Variants in PCBD2 observed in about 807,000 individuals in gnomAD.
PCBD2 encodes pterin-4-alpha-carbinolamine dehydratase 2.
Under a neutral mutation model 16.4 loss-of-function variants are expected in PCBD2, and 12 were observed. That is an observed-to-expected ratio of 0.73 (90% confidence interval 0.47 to 1.19). The LOEUF (loss-of-function observed/expected upper bound fraction) is 1.19. PCBD2 is among the 50% of genes most tolerant of loss of function. PCBD2 has a pLI of 0.00. For synonymous variants in PCBD2, 58 were observed against 61.8 expected, an observed-to-expected ratio of 0.94 and a Z score of 0.29; for missense variants, 138 against 156.8, an observed-to-expected ratio of 0.88 and a Z score of 0.64.
At chr5:134,942,953 A>G (rs925935177) in intron 2 of PCBD2, among the ~76,000 whole-genome samples, 1 of 152,234 alleles carries the variant, frequency 6.6e-6, no homozygotes, top group African/African-American at 2.4e-5. Context: ...ATACATAAAT[A>G]AAGTAACTAT....
chr5:134,949,566 T>C (rs755990568), intron 2 of PCBD2, among the ~76,000 whole-genome samples: 1 of 152,224 alleles, frequency 6.6e-6, no homozygotes, highest in Non-Finnish European at 1.5e-5. Context: ...AAAATATGTC[T>C]GACAGTCCAG....
chr5:134,933,001 A>AT (rs981836485), intron 2 of PCBD2, among the ~76,000 whole-genome samples: 2 of 151,890 alleles, frequency 1.3e-5, no homozygotes, highest in South Asian at 2.1e-4. Context: ...TGGTAAATAA[A>AT]TTTTTTTTTA....
At chr5:134,906,471 TG>T (rs145440048) in intron 1 of PCBD2, among the ~76,000 whole-genome samples, 4,113 of 152,218 alleles carry the variant, frequency 0.027, 66 homozygotes, top group Non-Finnish European at 0.045. Context: ...CCCAAAGTGC[TG>T]TAATAGAAGA....
At position 134,960,806 on chromosome 5, in the gene PCBD2, G is replaced by A. The variant is rs989718831; in HGVS notation, c.*125G>A. 25 of 780,710 alleles carry A rather than the reference G, an allele frequency of 3.2e-5. No individual in the cohort carries two copies. The highest frequency in any genetic ancestry group is 1.2e-4 in the Admixed American group (5 of 41,454). The allele number at this position is 780,710 out of a possible 1,614,324, so 48.4% of individuals were successfully genotyped here. On this transcript the variant is annotated 3_prime_UTR_variant, in exon 4 of 4. Coordinates refer to ENST00000254908, the MANE Select transcript of PCBD2 (RefSeq NM_032151.5). ...TTTTAAGACAGAGTGTTGCTCTGTCGCCCAGGCCAGAGTGCAGTGGTATGA... is the reference window on the plus strand; with the variant it reads ...TTTTAAGACAGAGTGTTGCTCTGTCACCCAGGCCAGAGTGCAGTGGTATGA...
Position 134,960,612 on chromosome 5 carries a change from CTG to C in PCBD2, c.327_328del (p.Cys109TrpfsTer2). 6.2e-7 allele frequency: 1 copy of C among 1,612,468 alleles called. No individual in the cohort carries two copies. The highest frequency in any genetic ancestry group is 1.3e-5 in the African/African-American group (1 of 75,000). On this transcript the variant is annotated frameshift_variant, in exon 4 of 4. Coordinates refer to ENST00000254908, the MANE Select transcript of PCBD2 (RefSeq NM_032151.5). LOFTEE classifies it high-confidence loss of function. The part of the protein sequence containing the change: ...KVQITLTSHD[C>X]GELTKKDVKL... ...TCCAGATAACTCTCACCTCACATGACTGTGGTGAACTGACCAAAAAAGATGTG... is the reference window on the plus strand; with the variant it reads ...TCCAGATAACTCTCACCTCACATGACTGGTGAACTGACCAAAAAAGATGTG...
intron 2 of PCBD2, chr5:134,923,937 C>G (rs1475894526): frequency 5.1e-6 from 2 of 394,134 alleles, no homozygotes; most frequent in African/African-American, 2.1e-5. Flanking sequence ...TAGGCAGGCA[C>G]CAAGAAGTGA....
At chr5:134,938,325 T>C (rs1751185533) in intron 2 of PCBD2, among the ~76,000 whole-genome samples, 1 of 152,234 alleles carries the variant, frequency 6.6e-6, no homozygotes, top group Admixed American at 6.5e-5. Flanking sequence ...CATGCCTCTT[T>C]GCCTCCCTTT....
rs1750960340 is a variant in PCBD2 at position 134,924,579 on chromosome 5, G to A, written c.216+14113G>A. 7.5e-6 allele frequency: 3 copies of A among 398,738 alleles called. No individual in the cohort carries two copies. In the East Asian group the frequency reaches 1.1e-4, roughly 14 times the overall value. The allele number at this position is 398,738 out of a possible 1,614,324, so 24.7% of individuals were successfully genotyped here. A position where few individuals can be genotyped will look rare whatever the true frequency, so the allele number is the denominator to read the frequency against. On this transcript the variant is annotated intron_variant, in intron 2 of 3. Coordinates refer to ENST00000254908, the MANE Select transcript of PCBD2 (RefSeq NM_032151.5). ...TTTGTATGATTATGGGCGTTGATTAGTAGTAGTTACTGGTTGAACATTGTT... is the reference window on the plus strand; with the variant it reads ...TTTGTATGATTATGGGCGTTGATTAATAGTAGTTACTGGTTGAACATTGTT...
At chr5:134,928,191 G>C (rs1045477173) in intron 2 of PCBD2, 25 of 390,060 alleles carry the variant, frequency 6.4e-5, no homozygotes, top group Non-Finnish European at 9.5e-5. Flanking sequence ...AGGGTTATGA[G>C]AGTGGCTATA....
chr5:134,962,611 A>G lies in PCBD2; in HGVS notation c.*1930A>G, dbSNP rs1343725458. ...GATTTTAGCTGCCGTTACTACTTAT[A>G]TAATTAATTAGATTAAACAAGTCAC... On this transcript the variant is annotated 3_prime_UTR_variant, in exon 4 of 4. Coordinates refer to ENST00000254908, the MANE Select transcript of PCBD2 (RefSeq NM_032151.5). 6.6e-6 allele frequency among the ~76,000 whole-genome samples: 1 copy of G among 152,188 alleles called. No individual in the cohort carries two copies. The highest frequency in any genetic ancestry group is 1.5e-5 in the Non-Finnish European group (1 of 68,030).
chr5:134,920,501 C>T lies in PCBD2; in HGVS notation c.216+10035C>T, dbSNP rs943858622. On this transcript the variant is annotated intron_variant, in intron 2 of 3. Coordinates refer to ENST00000254908, the MANE Select transcript of PCBD2 (RefSeq NM_032151.5). ...GGAAGGGAATATTCGCCAGCTGAAA[C>T]AAACAAAGCTGTACTTGTTTGGGAG... Among the ~76,000 whole-genome samples the T allele has an allele frequency of 3.9e-5, 6 of 152,224 alleles. No homozygotes were observed. In the East Asian group the frequency reaches 7.7e-4, roughly 20 times the overall value.
chr5:134,905,674 T>C (rs1750678200), intron 1 of PCBD2: 1 of 156,830 alleles, frequency 6.4e-6, no homozygotes. Context: ...TATTAATAAA[T>C]TGTCTTTTTT....
chr5:134,917,012 G>A (rs2149531254), intron 2 of PCBD2, among the ~76,000 whole-genome samples: 1 of 152,336 alleles, frequency 6.6e-6, no homozygotes, highest in Middle Eastern at 3.4e-3. Context: ...GACAGAAGGT[G>A]GGAGAGGTCT....
chr5:134,906,378 G>A (rs1487624652), intron 1 of PCBD2, among the ~76,000 whole-genome samples: 2 of 151,146 alleles, frequency 1.3e-5, no homozygotes, highest in Non-Finnish European at 2.9e-5. Context: ...TAATTTTTTT[G>A]TATTTTTAGT....
intron 2 of PCBD2, chr5:134,925,170 G>C (rs879245989): frequency 2.5e-6 from 1 of 398,166 alleles, no homozygotes; most frequent in Non-Finnish European, 4.4e-6. Context: ...GACCTGTTAG[G>C]GTGAGAAGAA....
chr5:134,931,153 C>T (rs1307701560), intron 2 of PCBD2, among the ~76,000 whole-genome samples: 2 of 152,142 alleles, frequency 1.3e-5, no homozygotes, highest in Non-Finnish European at 2.9e-5. Flanking sequence ...CTCCTGACCT[C>T]GTAATCTGCC....
chr5:134,938,402 A>AT, intron 2 of PCBD2, among the ~76,000 whole-genome samples: 1 of 152,308 alleles, frequency 6.6e-6, no homozygotes, highest in Middle Eastern at 3.4e-3. Context: ...CTGAATGACC[A>AT]TTTTTTGTTT....
chr5:134,913,016 T>C (rs1012142172), intron 2 of PCBD2, among the ~76,000 whole-genome samples: 5 of 152,236 alleles, frequency 3.3e-5, no homozygotes, highest in Non-Finnish European at 7.3e-5. Context: ...TCTGTTCTCT[T>C]CTGGTCTTTC....
At chr5:134,906,370 A>AT (rs1235018611) in intron 1 of PCBD2, among the ~76,000 whole-genome samples, 2 of 150,902 alleles carry the variant, frequency 1.3e-5, no homozygotes, top group East Asian at 2.0e-4. Flanking sequence ...CGCCCGGCTA[A>AT]TTTTTTTGTA....
Sources: gnomAD v4.1 joint callset for allele counts (sites outside exome capture counted in the v4.1 genomes callset) on GRCh38, gnomAD v4.1.1 for gene constraint, MANE v1.5 for transcripts, NCBI Gene and HGNC (gene_info 2026-07-23, HGNC 2026-07-21) for gene names.